Variants in UNC5C observed in about 807,000 individuals in gnomAD.
UNC5C encodes the protein unc-5 netrin receptor C, also known as netrin receptor UNC5C.
A neutral mutation model predicts 99.8 loss-of-function variants in UNC5C; 47 were observed. The observed-to-expected ratio is 0.47, with a 90% CI of 0.37 to 0.60. The LOEUF is 0.60. Among genes scored for constraint, UNC5C ranks in the 20% least tolerant of loss-of-function variants. UNC5C has a pLI of 0.00. For synonymous variants in UNC5C, 487 were observed against 452.2 expected, an observed-to-expected ratio of 1.08 and a Z score of -0.98; for missense variants, 1,062 against 1,165.9, an observed-to-expected ratio of 0.91 and a Z score of 1.30.
chr4:95,381,988 T>C (rs1579372202), intron 1 of UNC5C, among the ~76,000 whole-genome samples: 2 of 152,072 alleles, frequency 1.3e-5, no homozygotes, highest in Admixed American at 6.6e-5. Context: ...TACTAAGGCA[T>C]CCACTCTCAA....
At chr4:95,443,264 A>AG (rs1747003198) in intron 1 of UNC5C, among the ~76,000 whole-genome samples, 1 of 152,184 alleles carries the variant, frequency 6.6e-6, no homozygotes, top group Admixed American at 6.5e-5. Context: ...GAAAGGACAC[A>AG]GCCAGGCAAG....
Position 95,206,652 on chromosome 4 carries a change from G to T in UNC5C, c.1878C>A (p.Asn626Lys), listed in dbSNP as rs200871650. ...CCTCCCACTGTCCCTGTGCTGCCTG[G>T]TTCTTGAGCAGTATTTTCCAGTCCT... Reference protein sequence around the residue: ...NTEDWKILLKNQAAQGQWEDV... With the variant: ...NTEDWKILLKKQAAQGQWEDV... Residue 626 changes from asparagine to lysine, a missense_variant, in exon 11 of 16, where the codon AAC becomes AAA. Asn to Lys is a moderately conservative substitution (Grantham distance 94). This residue lies in a region of UNC5C where 810 missense variants were observed against 854.5 expected (regional missense o/e 0.95). Coordinates refer to ENST00000453304, the MANE Select transcript of UNC5C (RefSeq NM_003728.4). 8.1e-6 allele frequency: 13 copies of T among 1,614,084 alleles called. 1 individual carries two copies. In the African/African-American group the frequency reaches 1.6e-4, roughly 20 times the overall value.
At chr4:95,470,525 T>G (rs866493791) in intron 1 of UNC5C, among the ~76,000 whole-genome samples, 26 of 152,046 alleles carry the variant, frequency 1.7e-4, no homozygotes, top group Non-Finnish European at 1.5e-4. Context: ...GCAGCCCACC[T>G]TGAGTAGCTC....
At chr4:95,454,575 A>T (rs1560839038) in intron 1 of UNC5C, among the ~76,000 whole-genome samples, 1 of 152,138 alleles carries the variant, frequency 6.6e-6, no homozygotes, top group Non-Finnish European at 1.5e-5. Flanking sequence ...TCATTCAGAC[A>T]GTAAATTTGT....
chr4:95,181,435 T>C (rs1736606637), intron 14 of UNC5C, among the ~76,000 whole-genome samples: 2 of 152,186 alleles, frequency 1.3e-5, no homozygotes, highest in South Asian at 2.1e-4. Context: ...CAGCCAATGT[T>C]CATGTGGAAC....
At chr4:95,237,470 T>A (rs1223306751) in intron 7 of UNC5C, among the ~76,000 whole-genome samples, 2 of 152,204 alleles carry the variant, frequency 1.3e-5, no homozygotes, top group Non-Finnish European at 2.9e-5. Context: ...CAAAGCCTTT[T>A]TATGAAAAAT....
At chr4:95,222,268 T>A in intron 7 of UNC5C, 1 of 1,439,486 alleles carries the variant, frequency 6.9e-7, no homozygotes, top group Non-Finnish European at 9.1e-7. Flanking sequence ...AAATGAAACC[T>A]TGAAAAGAAA....
chr4:95,525,749 A>G (rs987674451), intron 1 of UNC5C, among the ~76,000 whole-genome samples: 1 of 152,036 alleles, frequency 6.6e-6, no homozygotes, highest in Non-Finnish European at 1.5e-5. Context: ...TAGAGTAACT[A>G]CTCTACTCAA....
chr4:95,402,270 A>G (rs1745722434), intron 1 of UNC5C, among the ~76,000 whole-genome samples: 1 of 152,142 alleles, frequency 6.6e-6, no homozygotes, highest in Non-Finnish European at 1.5e-5. Context: ...CCTATTTATC[A>G]TATTCATCAG....
chr4:95,295,288 C>T (rs1741633926), intron 3 of UNC5C, among the ~76,000 whole-genome samples: 1 of 152,210 alleles, frequency 6.6e-6, no homozygotes, highest in East Asian at 1.9e-4. Flanking sequence ...GTAGTGGCAA[C>T]TTGAATTCTC....
chr4:95,327,631 C>T (rs1272584227), intron 2 of UNC5C, among the ~76,000 whole-genome samples: 1 of 152,000 alleles, frequency 6.6e-6, no homozygotes, highest in Non-Finnish European at 1.5e-5. Context: ...TCTGGAGCAA[C>T]CTCATTGTTT....
intron 1 of UNC5C, among the ~76,000 whole-genome samples, chr4:95,379,899 T>G (rs181219832): frequency 2.7e-4 from 41 of 152,076 alleles, no homozygotes; most frequent in African/African-American, 9.4e-4. Flanking sequence ...TAGAGAAGGG[T>G]TGTTAGTTTG....
chr4:95,470,929 A>G (rs1747947307), intron 1 of UNC5C, among the ~76,000 whole-genome samples: 1 of 152,106 alleles, frequency 6.6e-6, no homozygotes, highest in Non-Finnish European at 1.5e-5. Context: ...GATTAATGGT[A>G]CTGAAAAAGT....
chr4:95,249,496 A>G (rs1193425444), intron 5 of UNC5C, among the ~76,000 whole-genome samples: 1 of 152,252 alleles, frequency 6.6e-6, no homozygotes, highest in Non-Finnish European at 1.5e-5. Flanking sequence ...CATCAATAAT[A>G]TGAGGAACTA....
chr4:95,331,568 T>C (rs1478486836), intron 2 of UNC5C, among the ~76,000 whole-genome samples: 1 of 152,070 alleles, frequency 6.6e-6, no homozygotes, highest in African/African-American at 2.4e-5. Context: ...ATTACTCCAT[T>C]CCTGAATCTC....
intron 1 of UNC5C, among the ~76,000 whole-genome samples, chr4:95,441,647 C>CAT (rs932074753): frequency 4.6e-5 from 7 of 151,898 alleles, no homozygotes; most frequent in African/African-American, 9.7e-5. Flanking sequence ...ATATGTAATA[C>CAT]ATATATATAC....
intron 1 of UNC5C, among the ~76,000 whole-genome samples, chr4:95,546,212 C>T (rs759903340): frequency 6.6e-6 from 1 of 152,166 alleles, no homozygotes; most frequent in Non-Finnish European, 1.5e-5. Context: ...TTTAAGTCAT[C>T]ACCACAAGGA....
At chr4:95,221,413 A>G (rs1738463408) in intron 7 of UNC5C, among the ~76,000 whole-genome samples, 1 of 152,284 alleles carries the variant, frequency 6.6e-6, no homozygotes, top group African/African-American at 2.4e-5. Flanking sequence ...GCCCTCTCCT[A>G]ACGCTCACAG....
At chr4:95,515,298 T>C (rs1358940134) in intron 1 of UNC5C, among the ~76,000 whole-genome samples, 1 of 152,186 alleles carries the variant, frequency 6.6e-6, no homozygotes, top group African/African-American at 2.4e-5. Context: ...TGCTAGAGTC[T>C]TTGGGTAAGG....
Sources: gnomAD v4.1 joint callset for allele counts (sites outside exome capture counted in the v4.1 genomes callset) on GRCh38, gnomAD v4.1.1 for gene constraint, gnomAD v4.1.1 regional missense constraint, MANE v1.5 for transcripts, NCBI Gene and HGNC (gene_info 2026-07-23, HGNC 2026-07-21) for gene names.